ERAP1: variants seen among roughly 807,000 people sequenced by gnomAD.
ERAP1 encodes adipocyte-derived leucine aminopeptidase.
A neutral mutation model predicts 103.7 loss-of-function variants in ERAP1; 86 were observed. The ratio of observed to expected loss-of-function variants is 0.83; its 90% CI spans 0.70 to 0.99. The LOEUF (loss-of-function observed/expected upper bound fraction) is 0.99, where lower values mean the gene tolerates loss of function less well. ERAP1 is among the 50% of genes least tolerant of loss of function. ERAP1 has a pLI of 0.00. For synonymous variants in ERAP1, 398 were observed against 402.4 expected (o/e 0.99, Z 0.13); for missense variants, 1,009 against 1,128.4 (o/e 0.89, Z 1.52).
chr5:96,900,255 A>C, the ERAP1 span: 1 of 1,600,330 alleles, frequency 6.2e-7, no homozygotes. Flanking sequence ...AGTGAGTATG[A>C]CATACAGAGT....
At chr5:96,838,948 G>T in the ERAP1 span, among the ~76,000 whole-genome samples, 1 of 152,192 alleles carries the variant, frequency 6.6e-6, no homozygotes, top group African/African-American at 2.4e-5. Context: ...CAAGCTTGGG[G>T]ATTCCCCAGG....
the ERAP1 span, among the ~76,000 whole-genome samples, chr5:96,844,891 C>T: frequency 1.2e-3 from 189 of 152,200 alleles, no homozygotes; most frequent in African/African-American, 4.4e-3. Flanking sequence ...ATCTTAGATT[C>T]TTTAAAGAAG....
Position 96,803,827 on chromosome 5 carries a change from T to A in ERAP1, c.100A>T (p.Ser34Cys). 1.2e-6 allele frequency: 2 copies of A among 1,614,160 alleles called. No homozygotes were observed. The highest frequency in any genetic ancestry group is 1.7e-6 in the Non-Finnish European group (2 of 1,180,034). ...LTVSTPSWCQ[S>C]TEASPKRSDG... ...CTACGTTTTGGAGATGCTTCAGTGC[T>A]CTGACACCATGAAGGAGTGGACACA... The change falls in exon 2 of 19, where the codon AGC becomes TGC. Residue 34 changes from serine (S) to cysteine (C), a missense_variant. This residue lies in a region of ERAP1 where 392 missense variants were observed against 455.2 expected (regional missense o/e 0.86). Coordinates refer to ENST00000443439, the MANE Select transcript of ERAP1 (RefSeq NM_001040458.3).
chr5:96,807,180 A>T (rs1352872569), intron 1 of ERAP1, among the ~76,000 whole-genome samples: 1 of 152,206 alleles, frequency 6.6e-6, no homozygotes, highest in Middle Eastern at 3.2e-3. Flanking sequence ...CCCAGATAGG[A>T]AACTTTTAAT....
At chr5:96,923,661 T>G in the ERAP1 span, among the ~76,000 whole-genome samples, 2 of 144,688 alleles carry the variant, frequency 1.4e-5, no homozygotes, top group African/African-American at 5.2e-5. Flanking sequence ...GCCACTGCAC[T>G]CCAGCCTGGG....
the ERAP1 span, among the ~76,000 whole-genome samples, chr5:96,874,201 G>T: frequency 0.034 from 5,041 of 148,366 alleles, 123 homozygotes; most frequent in Middle Eastern, 0.11. Context: ...AAAGAAGAAA[G>T]AAAAGAAAAG....
the ERAP1 span, among the ~76,000 whole-genome samples, chr5:96,906,561 C>A: frequency 6.6e-6 from 1 of 152,150 alleles, no homozygotes; most frequent in Admixed American, 6.5e-5. Context: ...AGCCACTGCA[C>A]CCAGAATGGA....
the ERAP1 span, among the ~76,000 whole-genome samples, chr5:96,926,964 G>A: frequency 1.3e-5 from 2 of 152,112 alleles, no homozygotes; most frequent in Non-Finnish European, 2.9e-5. Context: ...CTACAGACAT[G>A]CATCACCATG....
intron 7 of ERAP1, 109 bp downstream of exon 7, chr5:96,793,291 A>G (rs1011697493): frequency 4.3e-5 from 36 of 844,854 alleles, no homozygotes; most frequent in Non-Finnish European, 6.3e-5. Context: ...GGAAGTTATC[A>G]GTGAAATATT....
At chr5:96,889,343 T>A in the ERAP1 span, 1 of 1,611,906 alleles carries the variant, frequency 6.2e-7, no homozygotes, top group South Asian at 1.1e-5. Context: ...TCATTTTTGC[T>A]CATAAAACTT....
At chr5:96,851,415 G>A in the ERAP1 span, among the ~76,000 whole-genome samples, 1 of 152,098 alleles carries the variant, frequency 6.6e-6, no homozygotes, top group South Asian at 2.1e-4. Flanking sequence ...TGAACTCTGG[G>A]AGAAATAAAA....
chr5:96,857,616 A>G, the ERAP1 span, among the ~76,000 whole-genome samples: 3 of 152,252 alleles, frequency 2.0e-5, no homozygotes, highest in African/African-American at 7.2e-5. Flanking sequence ...TGACTTTCCG[A>G]AGGTTACATA....
the ERAP1 span, among the ~76,000 whole-genome samples, chr5:96,891,528 GTA>G: frequency 3.8e-4 from 14 of 37,198 alleles, no homozygotes; most frequent in South Asian, 2.3e-3. Flanking sequence ...CCCATATACG[GTA>G]TATATACACA....
chr5:96,761,332 C>T (rs982378600), exon 20 of ERAP1: 2 of 152,110 alleles, frequency 1.3e-5, no homozygotes, highest in Non-Finnish European at 2.9e-5. Flanking sequence ...TTTCTCATAA[C>T]TAAAAATGAA....
chr5:96,924,258 T>G, the ERAP1 span, among the ~76,000 whole-genome samples: 1 of 152,214 alleles, frequency 6.6e-6, no homozygotes, highest in Non-Finnish European at 1.5e-5. Flanking sequence ...TGAGGTCTCT[T>G]TGAGGCCCTG....
At chr5:96,911,064 T>G in the ERAP1 span, among the ~76,000 whole-genome samples, 1 of 152,240 alleles carries the variant, frequency 6.6e-6, no homozygotes, top group Non-Finnish European at 1.5e-5. Context: ...TTTAAGTACA[T>G]ATAGTATAGA....
upstream of ERAP1, chr5:96,808,222 G>GTGTGTGTGTGTGTGTTGAGA (rs1561300128): frequency 1.8e-6 from 1 of 560,694 alleles, no homozygotes; most frequent in African/African-American, 2.2e-5. Flanking sequence ...GTGTGTGTGT[G>GTGTGTGTGTGTGTGTTGAGA]TGTGTGTGTG....
At chr5:96,790,421 T>A (rs1776602849) in intron 9 of ERAP1, 54 bp from the exon 10 acceptor site, 2 of 1,609,272 alleles carry the variant, frequency 1.2e-6, no homozygotes, top group East Asian at 4.5e-5. Context: ...ACAATGATTC[T>A]CCTCAGAGGG....
the ERAP1 span, among the ~76,000 whole-genome samples, chr5:96,903,736 G>A: frequency 6.6e-6 from 1 of 151,354 alleles, no homozygotes; most frequent in African/African-American, 2.4e-5. Flanking sequence ...GACCCACACA[G>A]TGTTTATAAT....
Sources: gnomAD v4.1 joint callset for allele counts (sites outside exome capture counted in the v4.1 genomes callset) on GRCh38, gnomAD v4.1.1 for gene constraint, gnomAD v4.1.1 regional missense constraint, MANE v1.5 for transcripts, NCBI Gene and HGNC (gene_info 2026-07-23, HGNC 2026-07-21) for gene names.